The following CEP63 variants were observed in gnomAD, a reference collection of about 807,000 sequenced individuals.
The protein encoded by CEP63 is centrosomal protein of 63 kDa.
A neutral mutation model predicts 89.1 loss-of-function variants in CEP63; 84 were observed. The observed-to-expected ratio is 0.94, with a 90% CI of 0.79 to 1.13. The LOEUF (loss-of-function observed/expected upper bound fraction) is 1.13, where lower values mean the gene tolerates loss of function less well. Ranked by LOEUF, CEP63 falls within the 50% of genes most tolerant of loss-of-function variation. The pLI, the probability that CEP63 is intolerant of heterozygous loss-of-function variation, is 0.00. For synonymous variants in CEP63, 267 were observed against 272.5 expected (o/e 0.98, Z 0.20); for missense variants, 838 against 813.3 (o/e 1.03, Z -0.37).
At chr3:134,574,878 A>G (rs1195032646) in exon 12 of CEP63, 1 of 541,778 alleles carries the variant, frequency 1.8e-6, no homozygotes, top group Non-Finnish European at 3.3e-6. Context: ...AAAGTGCTGG[A>G]ATTACAAGTG....
the CEP63 span, among the ~76,000 whole-genome samples, chr3:134,657,002 T>G: frequency 6.6e-6 from 1 of 152,188 alleles, no homozygotes; most frequent in Admixed American, 6.5e-5. Flanking sequence ...CAACATAGAG[T>G]ATAATAAGTG....
chr3:134,650,205 T>G, the CEP63 span, among the ~76,000 whole-genome samples: 4 of 152,188 alleles, frequency 2.6e-5, no homozygotes, highest in African/African-American at 9.7e-5. Flanking sequence ...AGAAAGTGTG[T>G]AGGACAAGTA....
chr3:134,620,996 C>A, the CEP63 span: 1 of 630,264 alleles, frequency 1.6e-6, no homozygotes, highest in East Asian at 2.8e-5. Context: ...CAAAGGCTGG[C>A]TGAGGACAAA....
the CEP63 span, among the ~76,000 whole-genome samples, chr3:134,623,838 C>T: frequency 1.3e-5 from 2 of 152,066 alleles, no homozygotes; most frequent in Non-Finnish European, 2.9e-5. Context: ...CCTCCCTGGA[C>T]CTTCCAGAAC....
the CEP63 span, among the ~76,000 whole-genome samples, chr3:134,719,750 T>G: frequency 1.3e-5 from 2 of 152,228 alleles, no homozygotes; most frequent in Admixed American, 1.3e-4. Context: ...TATGCCTGAC[T>G]TATTTAGTAT....
chr3:134,666,510 AG>A, the CEP63 span, among the ~76,000 whole-genome samples: 4 of 152,258 alleles, frequency 2.6e-5, no homozygotes, highest in East Asian at 7.8e-4. Context: ...CTGAGTGGGC[AG>A]GGGGCAGGCA....
chr3:134,698,465 G>T, the CEP63 span, among the ~76,000 whole-genome samples: 1 of 152,174 alleles, frequency 6.6e-6, no homozygotes, highest in Non-Finnish European at 1.5e-5. Flanking sequence ...AGGGGCTGCC[G>T]TCTCCATCCT....
the CEP63 span, among the ~76,000 whole-genome samples, chr3:134,771,286 G>T: frequency 6.6e-6 from 1 of 152,158 alleles, no homozygotes; most frequent in African/African-American, 2.4e-5. Flanking sequence ...CCATAAAAAA[G>T]GATGAGTTCA....
the CEP63 span, chr3:134,608,899 A>G: frequency 2.1e-5 from 32 of 1,546,144 alleles, no homozygotes; most frequent in African/African-American, 4.3e-4. Context: ...GGGGCCCAAT[A>G]CACCCACCGG....
chr3:134,778,212 C>T, the CEP63 span, among the ~76,000 whole-genome samples: 1 of 151,692 alleles, frequency 6.6e-6, no homozygotes, highest in African/African-American at 2.4e-5. Flanking sequence ...ATTCCCCTGC[C>T]TCAGCTTCCC....
At chr3:134,700,405 T>A in the CEP63 span, among the ~76,000 whole-genome samples, 5 of 152,190 alleles carry the variant, frequency 3.3e-5, no homozygotes, top group Non-Finnish European at 1.5e-5. Context: ...GGGCATAGTT[T>A]AAAAAGACAA....
the CEP63 span, among the ~76,000 whole-genome samples, chr3:134,781,686 C>CTTAT: frequency 6.6e-6 from 1 of 152,178 alleles, no homozygotes; most frequent in Non-Finnish European, 1.5e-5. Context: ...TAAAAAATTA[C>CTTAT]TTATTCTTAT....
At chr3:134,743,630 G>GTA in the CEP63 span, among the ~76,000 whole-genome samples, 2 of 152,094 alleles carry the variant, frequency 1.3e-5, no homozygotes, top group African/African-American at 4.8e-5. Context: ...TCCCATCTGG[G>GTA]TATCATAGGA....
At chr3:134,566,862 G>C (rs976845111), downstream of CEP63, among the ~76,000 whole-genome samples, 1 of 152,222 alleles carries the variant, frequency 6.6e-6, no homozygotes, top group Non-Finnish European at 1.5e-5. Flanking sequence ...CTGGAAGACA[G>C]TTTGGCAGTT....
chr3:134,630,618 C>G, the CEP63 span, among the ~76,000 whole-genome samples: 1 of 152,214 alleles, frequency 6.6e-6, no homozygotes, highest in Non-Finnish European at 1.5e-5. Context: ...TCATCCTAAA[C>G]ATCATACCAC....
chr3:134,622,835 C>A, the CEP63 span, among the ~76,000 whole-genome samples: 1 of 152,138 alleles, frequency 6.6e-6, no homozygotes, highest in South Asian at 2.1e-4. Context: ...CCACATTCCC[C>A]TCAGCTCCCA....
chr3:134,690,004 C>T, the CEP63 span, among the ~76,000 whole-genome samples: 1 of 152,156 alleles, frequency 6.6e-6, no homozygotes, highest in Non-Finnish European at 1.5e-5. Context: ...TAGTTATTTA[C>T]AATTTATAAA....
In CEP63 at chr3:134,561,839, G is replaced by T. The variant is rs562265402; in HGVS notation, c.*304G>T. 8.9e-7 allele frequency: 1 copy of T among 1,121,020 alleles called. No homozygotes were observed. The highest frequency in any genetic ancestry group is 2.5e-5 in the South Asian group (1 of 40,574). The allele number at this position is 1,121,020 out of a possible 1,614,324, so 69.4% of individuals were successfully genotyped here. ...TGCTGACTTAAATGTGAATAGCTATGTACTAATTGAAATAAGGATTTTATG... is the reference window on the plus strand; with the variant it reads ...TGCTGACTTAAATGTGAATAGCTATTTACTAATTGAAATAAGGATTTTATG... On this transcript the variant is annotated 3_prime_UTR_variant, in exon 15 of 15. Transcript: ENST00000675561.
chr3:134,613,402 C>T, the CEP63 span, among the ~76,000 whole-genome samples: 2 of 152,176 alleles, frequency 1.3e-5, no homozygotes, highest in Admixed American at 6.5e-5. Context: ...CCTGCCCCAG[C>T]CCTGGAAAGG....
Sources: allele counts gnomAD v4.1 joint callset (sites outside exome capture counted in the v4.1 genomes callset), GRCh38; gene constraint gnomAD v4.1.1; transcripts MANE v1.5; gene names NCBI Gene and HGNC (gene_info 2026-07-23, HGNC 2026-07-21).